The following B4GALT7 variants were observed in gnomAD, a reference collection of about 807,000 sequenced individuals.
The protein encoded by B4GALT7 is UDP-Gal:beta-GlcNAc beta-1,4-galactosyltransferase 7.
Under a neutral mutation model 33.0 loss-of-function variants are expected in B4GALT7, and 30 were observed. That is an observed-to-expected ratio of 0.91 (90% CI 0.68 to 1.23). The LOEUF is 1.23. Ranked by LOEUF, B4GALT7 falls within the 50% of genes most tolerant of loss-of-function variation. B4GALT7 has a pLI of 0.00. For missense variants in B4GALT7, 507 were observed against 450.8 expected (o/e 1.12, Z -1.13); for synonymous variants, 213 against 187.2 (o/e 1.14, Z -1.13).
Position 177,606,833 on chromosome 5 carries a change from T to C in B4GALT7, c.414-469T>C, listed in dbSNP as rs73337782. 0.04 allele frequency: 11,930 copies of C among 298,182 alleles called. 350 individuals carry two copies. Among genetic ancestry groups the C allele is most frequent in the African/African-American group, 0.095 (4,361 of 45,990 alleles). 18.5% of individuals were successfully genotyped at this position (298,182 alleles called of 1,614,324 possible). On this transcript the variant is annotated intron_variant, in intron 2 of 5. Coordinates refer to ENST00000029410, the MANE Select transcript of B4GALT7 (RefSeq NM_007255.3). This position sits in a 1 kb window ranked among gnomAD's most constrained non-coding sequence, Gnocchi z 4.2. ...CCTCCTGCCGTGGCAGTGCCATCTC[T>C]CCTATGCAGAGCCCTAGGCACCCAC...
chr5:177,609,418 C>A, intron 5 of B4GALT7, 122 bp from the exon 6 acceptor site: 2 of 1,293,650 alleles, frequency 1.5e-6, no homozygotes, highest in Non-Finnish European at 2.2e-6. Flanking sequence ...CTGCTTTGAG[C>A]TCTGGGTTCT....
chr5:177,603,467 C>A, intron 1 of B4GALT7: 1 of 615,628 alleles, frequency 1.6e-6, no homozygotes, highest in Non-Finnish European at 2.0e-6. Context: ...AAATCAGTGC[C>A]TGTGCTGTAC....
rs729460 is a variant in B4GALT7 at position 177,609,230 on chromosome 5, T to C, written c.828+216T>C. ...GGGTCAGCCCAGACCTCAGGGTCCA[T>C]GCAGGCTGGCAGGGTGGGGTGGCGG... On this transcript the variant is annotated intron_variant, in intron 5 of 5. Transcript: ENST00000029410. Among the ~76,000 whole-genome samples the C allele has an allele frequency of 0.43, 65,654 of 152,026 alleles. 14,329 individuals are homozygous for C. The highest frequency in any genetic ancestry group is 0.47 in the East Asian group (2,415 of 5,134).
Position 177,608,351 on chromosome 5 carries a change from C to T in B4GALT7, c.640-188C>T, listed in dbSNP as rs968405. On this transcript the variant is annotated intron_variant, in intron 3 of 5. Transcript: ENST00000029410. This position sits in a 1 kb window ranked among gnomAD's most constrained non-coding sequence, Gnocchi z 4.1. The stretch of plus-strand genomic sequence containing the variant: ...AGCCTCTCACACAGGTTCAAGGCCC[C>T]GTGAGAACGGGAGAGGGCCCGGGAC... 155,429 of 600,256 alleles carry T rather than the reference C, an allele frequency of 0.26. 22,710 individuals are homozygous for T. Among genetic ancestry groups the T allele is most frequent in the South Asian group, 0.3 (15,519 of 50,964 alleles). 37.2% of individuals were successfully genotyped at this position (600,256 alleles called of 1,614,324 possible).
chr5:177,600,144 T>C lies in B4GALT7; in HGVS notation c.-67T>C. The C allele has an allele frequency of 8.7e-7, 1 of 1,151,780 alleles. No individual in the cohort carries two copies. The highest frequency in any genetic ancestry group is 1.6e-5 in the African/African-American group (1 of 61,688). 71.3% of individuals were successfully genotyped at this position (1,151,780 alleles called of 1,614,324 possible). On this transcript the variant is annotated 5_prime_UTR_variant, in exon 1 of 6. Transcript: ENST00000029410. This position sits in a 1 kb window ranked among gnomAD's most constrained non-coding sequence, Gnocchi z 4.4. Reference sequence around the variant, plus strand: ...CGGAGCGGGAGGCGGAGGCGCCGCGTAGGCCCGGGAGGCCGGGCCGGCCGG... The same window carrying C: ...CGGAGCGGGAGGCGGAGGCGCCGCGCAGGCCCGGGAGGCCGGGCCGGCCGG...
chr5:177,604,029 G>A, intron 1 of B4GALT7, 150 bp from the exon 2 acceptor site: 1 of 1,141,782 alleles, frequency 8.8e-7, no homozygotes, highest in Non-Finnish European at 1.3e-6. Context: ...AGTGGCATGA[G>A]CAGAAACATT....
intron 1 of B4GALT7, chr5:177,602,787 A>T: frequency 2.0e-6 from 2 of 981,902 alleles, no homozygotes; most frequent in Non-Finnish European, 2.4e-6. Flanking sequence ...TGGCAAACAG[A>T]GGAGGGTCAT....
At chr5:177,602,792 G>A in intron 1 of B4GALT7, 3 of 982,708 alleles carry the variant, frequency 3.1e-6, no homozygotes, top group Non-Finnish European at 3.6e-6. Flanking sequence ...AACAGAGGAG[G>A]GTCATTCAGA....
chr5:177,608,544 T>C lies in B4GALT7; in HGVS notation c.645T>C (p.Asn215=). 6.2e-7 allele frequency: 1 copy of C among 1,612,074 alleles called. No homozygotes were observed. Among genetic ancestry groups the C allele is most frequent in the South Asian group, 1.1e-5 (1 of 91,038 alleles). ...LLSKQHYRLC[N]GMSNRFWGWG... ...GCTGCTTGTCTCTGTGTCAGTGCAA[T>C]GGGATGTCCAACCGCTTCTGGGGCT... Residue 215 remains asparagine (N), a synonymous_variant, in exon 4 of 6, where the codon AAT becomes AAC. Coordinates refer to ENST00000029410, the MANE Select transcript of B4GALT7 (RefSeq NM_007255.3). This position sits in a 1 kb window ranked among gnomAD's most constrained non-coding sequence, Gnocchi z 4.1.
At position 177,609,728 on chromosome 5, in the gene B4GALT7, A is replaced by G; in HGVS notation, c.*33A>G. 1.3e-6 allele frequency: 2 copies of G among 1,571,078 alleles called. No individual in the cohort carries two copies. Among genetic ancestry groups the G allele is most frequent in the East Asian group, 2.4e-5 (1 of 42,284 alleles). On this transcript the variant is annotated 3_prime_UTR_variant, in exon 6 of 6. Transcript: ENST00000029410. ...GGACAGTGAGGAAGCCTGTACCTAC[A>G]GGCCATATTGCTCAGGCTCAGGACA... is the stretch of plus-strand genomic sequence containing the variant.
At position 177,604,222 on chromosome 5, in the gene B4GALT7, T is replaced by A. The variant is rs1043221348; in HGVS notation, c.94T>A (p.Phe32Ile). The change falls in exon 2 of 6, where the codon TTC becomes ATC. Residue 32 changes from phenylalanine to isoleucine, a missense_variant. By Grantham distance (21) the Phe-to-Ile change is conservative (BLOSUM62 0). Transcript: ENST00000029410. The part of the protein sequence containing the change: ...SGGLPRKCSV[F>I]HLFVACLSLG... ...CGGCCTCCCTCGGAAGTGTTCCGTCTTCCACCTGTTCGTGGCCTGCCTCTC... is the reference window on the plus strand; with the variant it reads ...CGGCCTCCCTCGGAAGTGTTCCGTCATCCACCTGTTCGTGGCCTGCCTCTC... The A allele has an allele frequency of 3.7e-6, 6 of 1,613,618 alleles. No individual in the cohort carries two copies. In the African/African-American group the frequency reaches 5.3e-5, roughly 14 times the overall value.
rs1251109080 is a variant in B4GALT7, at chr5:177,610,213, T to C, written c.*518T>C. 2 of 164,204 alleles carry C rather than the reference T, an allele frequency of 1.2e-5. No homozygotes were observed. The highest frequency in any genetic ancestry group is 4.8e-5 in the African/African-American group (2 of 41,894). The allele number at this position is 164,204 out of a possible 1,614,324, so 10.2% of individuals were successfully genotyped here. ...CTAGCTGGTTGTTGCCATGCCGGAATGTGGGCCTAGTGTTGCCAGATCTTC... is the reference window on the plus strand; with the variant it reads ...CTAGCTGGTTGTTGCCATGCCGGAACGTGGGCCTAGTGTTGCCAGATCTTC... On this transcript the variant is annotated 3_prime_UTR_variant, in exon 6 of 6. Transcript: ENST00000029410.
At chr5:177,603,737 G>A (rs961014222) in intron 1 of B4GALT7, among the ~76,000 whole-genome samples, 1 of 152,168 alleles carries the variant, frequency 6.6e-6, no homozygotes, top group Non-Finnish European at 1.5e-5. Context: ...GGGTGGATCT[G>A]TAGGGGAGCG....
intron 2 of B4GALT7, chr5:177,605,151 C>T (rs886799551): frequency 7.5e-6 from 3 of 402,350 alleles, no homozygotes; most frequent in South Asian, 3.6e-5. Flanking sequence ...CCCTGCCACC[C>T]TTCTTGTCTT....
In B4GALT7 at chr5:177,610,117, G is replaced by T; in HGVS notation, c.*422G>T. 1 of 243,392 alleles carries T rather than the reference G, an allele frequency of 4.1e-6. No individual in the cohort carries two copies. 15.1% of individuals were successfully genotyped at this position (243,392 alleles called of 1,614,324 possible). On this transcript the variant is annotated 3_prime_UTR_variant, in exon 6 of 6. Transcript: ENST00000029410. ...CATGCAGCTGGCGTAGGTGGCAGTT[G>T]GGCCTGGTGAGGGTTAGGACTTCAG...
chr5:177,607,080 C>T (rs1436814914), intron 2 of B4GALT7: 1 of 614,582 alleles, frequency 1.6e-6, no homozygotes, highest in Non-Finnish European at 2.9e-6. Flanking sequence ...GAGAACAGGG[C>T]CTGGTTTTTC....
rs1768073750 is a variant in B4GALT7 at position 177,608,371 on chromosome 5, CG to C, written c.640-165del. On this transcript the variant is annotated intron_variant, in intron 3 of 5. Transcript: ENST00000029410. This position sits in a 1 kb window ranked among gnomAD's most constrained non-coding sequence, Gnocchi z 4.1. ...GGCCCCGTGAGAACGGGAGAGGGCC[CG>C]GGACGCGCTGCTTCCTGCCGCCCGC... 1.6e-6 allele frequency: 1 copy of C among 626,148 alleles called. No individual in the cohort carries two copies. The highest frequency in any genetic ancestry group is 1.8e-5 in the African/African-American group (1 of 54,616). The allele number at this position is 626,148 out of a possible 1,614,324, so 38.8% of individuals were successfully genotyped here. A position where few individuals can be genotyped will look rare whatever the true frequency, so the allele number is the denominator to read the frequency against.
In B4GALT7 at chr5:177,609,674, A is replaced by G; in HGVS notation, c.963A>G (p.Thr321=). The part of the protein sequence containing the change: ...NIMLDCDKTA[T]PWCTFS ...TGTTGGACTGTGACAAGACCGCCAC[A>G]CCCTGGTGCACATTCAGCTGAGCTG... Residue 321 remains threonine, a synonymous_variant, in exon 6 of 6, where the codon ACA becomes ACG. Coordinates refer to ENST00000029410, the MANE Select transcript of B4GALT7 (RefSeq NM_007255.3). 8.1e-6 allele frequency: 13 copies of G among 1,612,146 alleles called. No individual in the cohort carries two copies. Among genetic ancestry groups the G allele is most frequent in the Non-Finnish European group, 1.0e-5 (12 of 1,179,236 alleles).
Position 177,600,395 on chromosome 5 carries a change from G to A in B4GALT7, c.50+135G>A. On this transcript the variant is annotated intron_variant, in intron 1 of 5. Coordinates refer to ENST00000029410, the MANE Select transcript of B4GALT7 (RefSeq NM_007255.3). The surrounding 1 kb of genome is among the most constrained non-coding windows in gnomAD (Gnocchi z 4.4). ...TCTGTGAGGGCGTGTGGTTCTCCCT[G>A]TGGGTCCCTGGCGCTCTGTTCCGGT... The A allele has an allele frequency of 1.5e-6, 1 of 673,208 alleles. No homozygotes were observed. The highest frequency in any genetic ancestry group is 2.1e-6 in the Non-Finnish European group (1 of 479,924). The allele number at this position is 673,208 out of a possible 1,614,324, so 41.7% of individuals were successfully genotyped here.
Sources: allele counts gnomAD v4.1 joint callset (sites outside exome capture counted in the v4.1 genomes callset), GRCh38; gene constraint gnomAD v4.1.1; non-coding constraint Gnocchi (gnomAD v3.1); transcripts MANE v1.5; gene names NCBI Gene and HGNC (gene_info 2026-07-23, HGNC 2026-07-21).